The following RNF41 variants were observed in gnomAD, a reference collection of about 807,000 sequenced individuals.
The protein encoded by RNF41 is E3 ubiquitin-protein ligase NRDP1.
A neutral mutation model predicts 33.0 loss-of-function variants in RNF41; 4 were observed. The ratio of observed to expected loss-of-function variants is 0.12; its 90% CI spans 0.06 to 0.28. RNF41 has a LOEUF of 0.28. RNF41 is among the 10% of genes least tolerant of loss of function. The pLI, the probability that RNF41 is intolerant of heterozygous loss-of-function variation, is 1.00. For synonymous variants in RNF41, 164 were observed against 153.2 expected, an observed-to-expected ratio of 1.07 and a Z score of -0.52; for missense variants, 228 against 432.6, an observed-to-expected ratio of 0.53 and a Z score of 4.19.
At chr12:56,207,009 C>T (rs1868277882) in intron 6 of RNF41, among the ~76,000 whole-genome samples, 1 of 152,234 alleles carries the variant, frequency 6.6e-6, no homozygotes, top group African/African-American at 2.4e-5. Flanking sequence ...TTCCACAAGT[C>T]TGCACTCTGT....
rs935443083 is a variant in RNF41 at position 56,205,084 on chromosome 12, T to C, written c.*1363A>G. 5 of 152,212 alleles carry C rather than the reference T, an allele frequency of 3.3e-5. No individual in the cohort carries two copies. The highest frequency in any genetic ancestry group is 7.2e-5 in the African/African-American group (3 of 41,440). 9.4% of individuals were successfully genotyped at this position (152,212 alleles called of 1,614,324 possible). A position where few individuals can be genotyped will look rare whatever the true frequency, so the allele number is the denominator to read the frequency against. On this transcript the variant is annotated 3_prime_UTR_variant, in exon 7 of 7. Transcript: ENST00000345093. The stretch of plus-strand genomic sequence containing the variant: ...TTAGAGATAAAATTTCTGATTTGCA[T>C]GGTGAAGCTTAGAACCCAGCTATAC...
In RNF41 at chr12:56,204,024, G is replaced by A. The variant is rs1361659524; in HGVS notation, c.*2423C>T. The A allele has an allele frequency of 6.6e-6, 1 of 152,074 alleles. No homozygotes were observed. Among genetic ancestry groups the A allele is most frequent in the Non-Finnish European group, 1.5e-5 (1 of 68,010 alleles). The allele number at this position is 152,074 out of a possible 1,614,324, so 9.4% of individuals were successfully genotyped here. A position where few individuals can be genotyped will look rare whatever the true frequency, so the allele number is the denominator to read the frequency against. On this transcript the variant is annotated 3_prime_UTR_variant, in exon 7 of 7. Transcript: ENST00000345093. ...CCGGCTATGAAGACTATTTTTATAA[G>A]TAAATAATTATGAAACCTCTGCAAG...
chr12:56,218,413 C>A, intron 1 of RNF41, among the ~76,000 whole-genome samples: 1 of 151,762 alleles, frequency 6.6e-6, no homozygotes, highest in Non-Finnish European at 1.5e-5. Flanking sequence ...CAGGCACACA[C>A]CACCATGCCT....
Position 56,204,677 on chromosome 12 carries a change from G to GA in RNF41, c.*1769_*1770insT, listed in dbSNP as rs1312837517. 3.3e-5 allele frequency: 5 copies of GA among 152,706 alleles called. No individual in the cohort carries two copies. The highest frequency in any genetic ancestry group is 6.6e-5 in the Admixed American group (1 of 15,266). The allele number at this position is 152,706 out of a possible 1,614,324, so 9.5% of individuals were successfully genotyped here. ...ACAGTATGAGCCTTGGTTAAGGCAG[G>GA]TAGGGGAAAGGGGAGTGGAAGAAAT... On this transcript the variant is annotated 3_prime_UTR_variant, in exon 7 of 7. Coordinates refer to ENST00000345093, the MANE Select transcript of RNF41 (RefSeq NM_005785.4).
Position 56,205,340 on chromosome 12 carries a change from T to C in RNF41, c.*1107A>G, listed in dbSNP as rs1868249750. On this transcript the variant is annotated 3_prime_UTR_variant, in exon 7 of 7. Coordinates refer to ENST00000345093, the MANE Select transcript of RNF41 (RefSeq NM_005785.4). The stretch of plus-strand genomic sequence containing the variant: ...GTTCAGCCGAGGACTCCCTTGGCTC[T>C]TCCTATATTAAAGCCAAAGGTTGTG... 6.6e-6 allele frequency: 1 copy of C among 152,166 alleles called. No homozygotes were observed. Among genetic ancestry groups the C allele is most frequent in the African/African-American group, 2.4e-5 (1 of 41,424 alleles). 9.4% of individuals were successfully genotyped at this position (152,166 alleles called of 1,614,324 possible).
rs986815881 is a variant in RNF41, at chr12:56,209,703, C to T, written c.362+594G>A. On this transcript the variant is annotated intron_variant, in intron 4 of 6. Transcript: ENST00000345093. ...CAATCTCCTGACCTCGTGATCCACC[C>T]GCCTTGGCCTCCCAAAGTGCTGGGA... Among the ~76,000 whole-genome samples the T allele has an allele frequency of 9.2e-5, 14 of 152,104 alleles. 2 individuals are homozygous for T. The highest frequency in any genetic ancestry group is 2.2e-4 in the African/African-American group (9 of 41,422).
chr12:56,221,007 CA>C (rs1456453185), intron 1 of RNF41, among the ~76,000 whole-genome samples: 1 of 152,158 alleles, frequency 6.6e-6, no homozygotes, highest in Non-Finnish European at 1.5e-5. Flanking sequence ...GGCCAGTCCC[CA>C]AGAACAGTGG....
intron 1 of RNF41, among the ~76,000 whole-genome samples, chr12:56,218,690 A>C (rs1869097387): frequency 6.7e-6 from 1 of 148,458 alleles, no homozygotes; most frequent in Non-Finnish European, 1.5e-5. Flanking sequence ...ATATATACAT[A>C]TTTATTATAT....
At chr12:56,212,859 G>T in intron 3 of RNF41, 1 of 624,164 alleles carries the variant, frequency 1.6e-6, no homozygotes, top group Non-Finnish European at 2.5e-6. Context: ...TCCTGGTTTG[G>T]AAAATGTGAT....
chr12:56,216,957 G>A (rs1028949671), intron 1 of RNF41, among the ~76,000 whole-genome samples: 2 of 151,710 alleles, frequency 1.3e-5, no homozygotes, highest in East Asian at 1.9e-4. Flanking sequence ...TGGCTAACAC[G>A]GTGAAACCCC....
intron 2 of RNF41, among the ~76,000 whole-genome samples, chr12:56,214,898 T>C (rs1435718067): frequency 6.6e-6 from 1 of 151,970 alleles, no homozygotes; most frequent in Non-Finnish European, 1.5e-5. Context: ...ATTTAAAATA[T>C]AAAGTGATAA....
intron 1 of RNF41, among the ~76,000 whole-genome samples, chr12:56,220,720 G>C (rs532918876): frequency 1.3e-5 from 2 of 148,340 alleles, no homozygotes; most frequent in African/African-American, 5.0e-5. Context: ...GACAGAGTGA[G>C]ACTCCGTTTC....
intron 1 of RNF41, among the ~76,000 whole-genome samples, chr12:56,218,294 C>G (rs993826034): frequency 6.6e-6 from 1 of 151,966 alleles, no homozygotes; most frequent in Non-Finnish European, 1.5e-5. Flanking sequence ...GGGTCTTGCT[C>G]TATTGCCCAG....
In RNF41 at chr12:56,205,008, T is replaced by C. The variant is rs1218867709; in HGVS notation, c.*1439A>G. On this transcript the variant is annotated 3_prime_UTR_variant, in exon 7 of 7. Coordinates refer to ENST00000345093, the MANE Select transcript of RNF41 (RefSeq NM_005785.4). ...AAGGTATACCCCAGGTAACCTGAAA[T>C]GGAACTGAAGTCCCCAGGGGGGTGT... 1.3e-5 allele frequency: 2 copies of C among 152,230 alleles called. No homozygotes were observed. The highest frequency in any genetic ancestry group is 2.9e-5 in the Non-Finnish European group (2 of 68,058). 9.4% of individuals were successfully genotyped at this position (152,230 alleles called of 1,614,324 possible). A position where few individuals can be genotyped will look rare whatever the true frequency, so the allele number is the denominator to read the frequency against.
chr12:56,207,420 C>G (rs1868291314), intron 6 of RNF41: 1 of 797,098 alleles, frequency 1.3e-6, no homozygotes, highest in Non-Finnish European at 2.1e-6. Context: ...TAAAGTGCAT[C>G]CTTGGGCAGG....
At chr12:56,207,142 C>T in intron 6 of RNF41, 1 of 1,314,330 alleles carries the variant, frequency 7.6e-7, no homozygotes, top group Non-Finnish European at 9.9e-7. Context: ...GCACTATTTG[C>T]CCTGTATATA....
intron 1 of RNF41, among the ~76,000 whole-genome samples, chr12:56,219,019 T>C (rs1344458407): frequency 6.6e-6 from 1 of 151,004 alleles, no homozygotes; most frequent in Non-Finnish European, 1.5e-5. Flanking sequence ...CTTTTTTTTT[T>C]TGAGATGGAG....
upstream of RNF41, chr12:56,221,960 G>A (rs1435859588): frequency 6.6e-6 from 1 of 152,360 alleles, no homozygotes; most frequent in Non-Finnish European, 1.5e-5. Flanking sequence ...ACGCAACCCG[G>A]CGGAAGCTCG....
At chr12:56,213,812 A>G (rs1868656381) in intron 3 of RNF41, 146 bp downstream of exon 3, 2 of 666,716 alleles carry the variant, frequency 3.0e-6, no homozygotes, top group Non-Finnish European at 5.4e-6. Flanking sequence ...TGTAGTCACC[A>G]TTACTCCTTT....
Sources: allele counts gnomAD v4.1 joint callset (sites outside exome capture counted in the v4.1 genomes callset), GRCh38; gene constraint gnomAD v4.1.1; transcripts MANE v1.5; gene names NCBI Gene and HGNC (gene_info 2026-07-23, HGNC 2026-07-21).